Variants in EML4 observed in about 807,000 individuals in gnomAD.
The protein encoded by EML4 is echinoderm microtubule-associated protein-like 4.
A neutral mutation model predicts 129.0 loss-of-function variants in EML4; 72 were observed. The ratio of observed to expected loss-of-function variants is 0.56; its 90% confidence interval spans 0.46 to 0.68. EML4 has a LOEUF of 0.68. Ranked by LOEUF, EML4 falls within the 30% of genes least tolerant of loss-of-function variation. The pLI is 0.00. For missense variants in EML4, 1,363 were observed against 1,190.6 expected, an observed-to-expected ratio of 1.14 and a Z score of -2.13; for synonymous variants, 532 against 405.0, an observed-to-expected ratio of 1.31 and a Z score of -3.77.
Position 42,245,596 on chromosome 2 carries a change from T to C in EML4, c.117T>C (p.Thr39=), listed in dbSNP as rs1004764543. 1 of 1,613,952 alleles carries C rather than the reference T, an allele frequency of 6.2e-7. No homozygotes were observed. Among genetic ancestry groups the C allele is most frequent in the East Asian group, 2.2e-5 (1 of 44,858 alleles). The part of the protein sequence containing the change: ...SRVQQQEDEI[T]VLKAALADVL... ...TTCAGCAACAAGAAGATGAAATCACTGTGCTAAAGGCGGCTTTGGCTGATG... is the reference window on the plus strand; with the variant it reads ...TTCAGCAACAAGAAGATGAAATCACCGTGCTAAAGGCGGCTTTGGCTGATG... Residue 39 remains threonine (T), a synonymous_variant, in exon 2 of 23, where the codon ACT becomes ACC. Transcript: ENST00000318522.
intron 1 of EML4, among the ~76,000 whole-genome samples, chr2:42,222,880 G>C (rs1572573236): frequency 6.6e-6 from 1 of 151,970 alleles, no homozygotes; most frequent in African/African-American, 2.4e-5. Context: ...CTCACTGCAA[G>C]CTCCGCCTCC....
intron 6 of EML4, among the ~76,000 whole-genome samples, chr2:42,271,442 C>A (rs1666359645): frequency 1.3e-5 from 2 of 152,044 alleles, no homozygotes; most frequent in South Asian, 4.2e-4. Flanking sequence ...AAGCAAAGAT[C>A]TGATTTCATA....
intron 11 of EML4, among the ~76,000 whole-genome samples, chr2:42,293,665 G>A (rs190583147): frequency 3.6e-4 from 55 of 152,220 alleles, no homozygotes; most frequent in African/African-American, 1.2e-3. Flanking sequence ...AGGCTGGAGC[G>A]CAGTGGTGCA....
At chr2:42,205,010 A>G (rs745465541) in intron 1 of EML4, among the ~76,000 whole-genome samples, 10 of 152,324 alleles carry the variant, frequency 6.6e-5, no homozygotes, top group Non-Finnish European at 1.3e-4. Flanking sequence ...ATCATTTGCA[A>G]TACATTGCCA....
At position 42,199,794 on chromosome 2, in the gene EML4, G is replaced by A. The variant is rs1482102930; in HGVS notation, c.25+30158G>A. Among the ~76,000 whole-genome samples, 12 of 152,140 alleles carry A rather than the reference G, an allele frequency of 7.9e-5. No individual in the cohort carries two copies. In the East Asian group the frequency reaches 1.2e-3, roughly 15 times the overall value. Reference sequence around the variant, plus strand: ...GGTAAGCAAGAGAAGGAACCGAAGCGTCACAGAAATCCGAGGCCATAAGTT... The same window carrying A: ...GGTAAGCAAGAGAAGGAACCGAAGCATCACAGAAATCCGAGGCCATAAGTT... On this transcript the variant is annotated intron_variant, in intron 1 of 22. Transcript: ENST00000318522.
At chr2:42,235,883 G>T (rs1315797602) in intron 1 of EML4, among the ~76,000 whole-genome samples, 1 of 152,036 alleles carries the variant, frequency 6.6e-6, no homozygotes, top group Non-Finnish European at 1.5e-5. Context: ...ACAAAAAATG[G>T]ATTCATTGTT....
chr2:42,252,703 T>C (rs1256102856), intron 2 of EML4, among the ~76,000 whole-genome samples: 2 of 152,192 alleles, frequency 1.3e-5, no homozygotes, highest in Admixed American at 1.3e-4. Context: ...AGAGTGTTTC[T>C]GTTCCTTTAC....
At chr2:42,293,026 C>A (rs960397879) in intron 11 of EML4, among the ~76,000 whole-genome samples, 1 of 151,990 alleles carries the variant, frequency 6.6e-6, no homozygotes, top group South Asian at 2.1e-4. Context: ...CTTAGACTTG[C>A]TAAATATGTA....
At chr2:42,197,518 A>AG (rs1671966051) in intron 1 of EML4, among the ~76,000 whole-genome samples, 1 of 152,180 alleles carries the variant, frequency 6.6e-6, no homozygotes. Flanking sequence ...CTTAAATACT[A>AG]GATTTTTTTT....
chr2:42,299,476 A>T (rs1668152767), intron 13 of EML4, among the ~76,000 whole-genome samples: 1 of 152,166 alleles, frequency 6.6e-6, no homozygotes, highest in African/African-American at 2.4e-5. Flanking sequence ...CATCACCACT[A>T]TCTGACCTAA....
chr2:42,250,428 G>C (rs1432243768), intron 2 of EML4, among the ~76,000 whole-genome samples: 4 of 152,184 alleles, frequency 2.6e-5, no homozygotes, highest in African/African-American at 9.7e-5. Flanking sequence ...ACCTCCATCA[G>C]CTTAGGAAGG....
Position 42,214,412 on chromosome 2 carries a change from A to G in EML4, c.26-31093A>G, listed in dbSNP as rs147736303. ...CTTTTTCCTTTACTTTGTTTTCCTC[A>G]CCTACTTATCCTAGAGTTTACAGCG... is the stretch of plus-strand genomic sequence containing the variant. On this transcript the variant is annotated intron_variant, in intron 1 of 22. Transcript: ENST00000318522. Among the ~76,000 whole-genome samples, 348 of 151,516 alleles carry G rather than the reference A, an allele frequency of 2.3e-3. 1 individual carries two copies. The highest frequency in any genetic ancestry group is 8.2e-3 in the African/African-American group (340 of 41,312).
chr2:42,303,512 A>C, intron 16 of EML4, 66 bp downstream of exon 16: 5 of 1,558,598 alleles, frequency 3.2e-6, no homozygotes, highest in Non-Finnish European at 4.4e-6. Context: ...AGTTGAGAGC[A>C]GCAAAGTAAA....
At chr2:42,212,917 C>A (rs1257286743) in intron 1 of EML4, among the ~76,000 whole-genome samples, 3 of 152,082 alleles carry the variant, frequency 2.0e-5, no homozygotes, top group Admixed American at 2.0e-4. Context: ...CTGGCTGTGC[C>A]CTGTGTTCTG....
At chr2:42,272,807 G>A (rs1035038943) in intron 6 of EML4, among the ~76,000 whole-genome samples, 1 of 152,204 alleles carries the variant, frequency 6.6e-6, no homozygotes, top group African/African-American at 2.4e-5. Context: ...GTCCAGAGAA[G>A]GCAGCTGGGG....
intron 3 of EML4, 137 bp downstream of exon 3, chr2:42,256,767 A>G: frequency 2.7e-6 from 3 of 1,107,272 alleles, no homozygotes; most frequent in Non-Finnish European, 3.9e-6. Context: ...AAACTGTGAA[A>G]GTAGAGACAT....
chr2:42,215,044 A>G (rs6749192), intron 1 of EML4, among the ~76,000 whole-genome samples: 3,623 of 152,208 alleles, frequency 0.024, 137 homozygotes, highest in African/African-American at 0.083. Flanking sequence ...TACAAGATCT[A>G]TAACTCTGCA....
At chr2:42,283,666 ATAT>A (rs981303241) in intron 8 of EML4, among the ~76,000 whole-genome samples, 28 of 152,164 alleles carry the variant, frequency 1.8e-4, no homozygotes, top group Admixed American at 5.9e-4. Context: ...GACTATTATA[ATAT>A]TATATAGATA....
chr2:42,221,917 G>A (rs1411152431), intron 1 of EML4, among the ~76,000 whole-genome samples: 1 of 151,880 alleles, frequency 6.6e-6, no homozygotes, highest in African/African-American at 2.4e-5. Context: ...TAAATTTTTT[G>A]TAGAGACAGT....
Sources: gnomAD v4.1 joint callset for allele counts (sites outside exome capture counted in the v4.1 genomes callset) on GRCh38, gnomAD v4.1.1 for gene constraint, MANE v1.5 for transcripts, NCBI Gene and HGNC (gene_info 2026-07-23, HGNC 2026-07-21) for gene names.